The following TMEM272 variants were observed in gnomAD, a reference collection of about 807,000 sequenced individuals.
TMEM272 encodes the protein transmembrane protein 272.
TMEM272 carries 8 observed loss-of-function variants against 3.7 expected under a neutral mutation model. That is an observed-to-expected ratio of 2.17 (90% CI 1.27 to 3.91). TMEM272 has a LOEUF of 3.91. Among genes scored for constraint, TMEM272 ranks in the 30% most tolerant of loss-of-function variants. TMEM272 has a pLI of 0.00. For synonymous variants in TMEM272, 63 were observed against 39.8 expected (o/e 1.58, Z -2.20); for missense variants, 166 against 91.5 (o/e 1.81, Z -3.32).
At chr13:51,879,057 G>C in the TMEM272 span, among the ~76,000 whole-genome samples, 2 of 152,222 alleles carry the variant, frequency 1.3e-5, no homozygotes, top group East Asian at 3.9e-4. Flanking sequence ...CAAATAAACA[G>C]ACAAAGATTT....
the TMEM272 span, chr13:51,866,310 G>C: frequency 6.3e-6 from 3 of 475,014 alleles, no homozygotes; most frequent in Non-Finnish European, 1.1e-5. Flanking sequence ...CTGGGCCACA[G>C]AGATCGGTCC....
At chr13:51,838,624 C>T (rs1406293401) in intron 1 of TMEM272, 71 bp from the exon 2 acceptor site, 2 of 701,574 alleles carry the variant, frequency 2.9e-6, no homozygotes, top group East Asian at 2.7e-5. Context: ...CCAACCCTCT[C>T]TGTGCATGTC....
chr13:51,871,432 T>A, the TMEM272 span, among the ~76,000 whole-genome samples: 1 of 152,066 alleles, frequency 6.6e-6, no homozygotes, highest in Non-Finnish European at 1.5e-5. Context: ...TAAGGCTAGA[T>A]CATAAAAGAC....
rs1956011660 is a variant in TMEM272, at chr13:51,815,453, C to A, written c.*1298G>T. 6.6e-6 allele frequency: 1 copy of A among 152,532 alleles called. No homozygotes were observed. Among genetic ancestry groups the A allele is most frequent in the African/African-American group, 2.4e-5 (1 of 41,436 alleles). 9.4% of individuals were successfully genotyped at this position (152,532 alleles called of 1,614,324 possible). A position where few individuals can be genotyped will look rare whatever the true frequency, so the allele number is the denominator to read the frequency against. On this transcript the variant is annotated 3_prime_UTR_variant, in exon 5 of 5. Coordinates refer to ENST00000629372, the MANE Select transcript of TMEM272 (RefSeq NM_001351003.2). Reference sequence around the variant, plus strand: ...AGAAGAATGAGCCTCTTGGTTTGAGCTGACACTTCTGATGAAGGGAGGTGC... The same window carrying A: ...AGAAGAATGAGCCTCTTGGTTTGAGATGACACTTCTGATGAAGGGAGGTGC...
At chr13:51,923,030 ACTGTT>A in the TMEM272 span, among the ~76,000 whole-genome samples, 1 of 152,146 alleles carries the variant, frequency 6.6e-6, no homozygotes, top group African/African-American at 2.4e-5. Context: ...CTTGGGGGCC[ACTGTT>A]CTGCCAGCTG....
the TMEM272 span, chr13:51,910,151 A>G: frequency 9.6e-7 from 1 of 1,042,448 alleles, no homozygotes; most frequent in South Asian, 1.3e-5. Flanking sequence ...CAGAATGTTT[A>G]GATTTCTCTT....
rs1956038690 is a variant in TMEM272, at chr13:51,817,111, C to CA, written c.203dup (p.Ser69ValfsTer21). The CA allele has an allele frequency of 1.4e-6, 1 of 698,996 alleles. No homozygotes were observed. The highest frequency in any genetic ancestry group is 2.7e-5 in the East Asian group (1 of 37,192). The allele number at this position is 698,996 out of a possible 1,614,324, so 43.3% of individuals were successfully genotyped here. On this transcript the variant is annotated frameshift_variant and splice_region_variant, in exon 5 of 5. Transcript: ENST00000629372. LOFTEE classifies it low-confidence loss of function (END_TRUNC). ...TGGTGGAGTCGTACAACAGGAGAGA[C>CA]ACCTGGGGCGTGGTGGGGAGCCAGG...
chr13:51,909,759 T>C, the TMEM272 span: 3 of 1,562,976 alleles, frequency 1.9e-6, no homozygotes, highest in South Asian at 2.2e-5. Context: ...CAAGTTACCA[T>C]CATCCGTTAT....
chr13:51,863,106 G>A, the TMEM272 span, among the ~76,000 whole-genome samples: 671 of 152,362 alleles, frequency 4.4e-3, 3 homozygotes, highest in African/African-American at 0.015. Context: ...AACAAAAGGG[G>A]CTCTCAGTAG....
At chr13:51,931,905 A>G in the TMEM272 span, among the ~76,000 whole-genome samples, 2 of 152,236 alleles carry the variant, frequency 1.3e-5, no homozygotes, top group Middle Eastern at 3.4e-3. Flanking sequence ...AGACGTGGAT[A>G]TGGGGGAGAA....
At chr13:51,883,642 G>A in the TMEM272 span, among the ~76,000 whole-genome samples, 5 of 152,358 alleles carry the variant, frequency 3.3e-5, no homozygotes, top group South Asian at 6.2e-4. Context: ...GGGTAAGACA[G>A]GGACTCTAGT....
the TMEM272 span, among the ~76,000 whole-genome samples, chr13:51,883,903 G>A: frequency 5.9e-5 from 9 of 152,118 alleles, no homozygotes; most frequent in Non-Finnish European, 1.2e-4. Flanking sequence ...TTCCTTTGTC[G>A]TTTTATATTC....
At chr13:51,845,339 G>C (rs1416732853), upstream of TMEM272, among the ~76,000 whole-genome samples, 1 of 152,130 alleles carries the variant, frequency 6.6e-6, no homozygotes, top group Non-Finnish European at 1.5e-5. Flanking sequence ...CTTGGAGTTA[G>C]GAATTCCCGC....
the TMEM272 span, among the ~76,000 whole-genome samples, chr13:51,896,625 C>A: frequency 6.6e-6 from 1 of 152,118 alleles, no homozygotes; most frequent in Non-Finnish European, 1.5e-5. Flanking sequence ...AAGCCTGTTG[C>A]GACCACCAGA....
At chr13:51,858,845 C>T in the TMEM272 span, among the ~76,000 whole-genome samples, 4 of 152,156 alleles carry the variant, frequency 2.6e-5, no homozygotes, top group East Asian at 7.7e-4. Context: ...CAAGCTCCTT[C>T]CCCCCTGCAA....
chr13:51,908,547 G>C, the TMEM272 span: 1 of 1,482,850 alleles, frequency 6.7e-7, no homozygotes, highest in Non-Finnish European at 9.4e-7. Context: ...TGAAGCAAGA[G>C]GTGGAGGAAC....
At chr13:51,852,736 G>A in the TMEM272 span, among the ~76,000 whole-genome samples, 5 of 151,996 alleles carry the variant, frequency 3.3e-5, no homozygotes, top group South Asian at 4.1e-4. Flanking sequence ...AAAATTAGCC[G>A]GGCGTGGTGG....
At chr13:51,829,767 C>T (rs1956157077) in intron 2 of TMEM272, among the ~76,000 whole-genome samples, 1 of 152,150 alleles carries the variant, frequency 6.6e-6, no homozygotes. Context: ...GCACCTGCCA[C>T]CCAAGCTTCC....
intron 1 of TMEM272, among the ~76,000 whole-genome samples, chr13:51,843,355 T>C (rs985764318): frequency 6.6e-6 from 1 of 152,164 alleles, no homozygotes; most frequent in African/African-American, 2.4e-5. Flanking sequence ...AAAAGACCTA[T>C]TCACTATTAT....
Sources: gnomAD v4.1 joint callset for allele counts (sites outside exome capture counted in the v4.1 genomes callset) on GRCh38, gnomAD v4.1.1 for gene constraint, MANE v1.5 for transcripts, NCBI Gene and HGNC (gene_info 2026-07-23, HGNC 2026-07-21) for gene names.